IMMP2L: variants seen among roughly 807,000 people sequenced by gnomAD.
The protein encoded by IMMP2L is inner mitochondrial membrane peptidase subunit 2.
A neutral mutation model predicts 19.3 loss-of-function variants in IMMP2L; 18 were observed. That is an observed-to-expected ratio of 0.93 (90% CI 0.64 to 1.38). The LOEUF is 1.38. Ranked by LOEUF, IMMP2L falls within the 40% of genes most tolerant of loss-of-function variation. The pLI is 0.00. For missense variants in IMMP2L, 233 were observed against 218.2 expected, an observed-to-expected ratio of 1.07 and a Z score of -0.43; for synonymous variants, 76 against 73.0, an observed-to-expected ratio of 1.04 and a Z score of -0.21.
At chr7:110,793,524 A>T (rs1800624203) in intron 5 of IMMP2L, among the ~76,000 whole-genome samples, 1 of 152,158 alleles carries the variant, frequency 6.6e-6, no homozygotes, top group South Asian at 2.1e-4. Flanking sequence ...TAAAAATAAT[A>T]AAAATTTTAA....
chr7:111,226,374 GC>G (rs2129622054), intron 3 of IMMP2L, among the ~76,000 whole-genome samples: 1 of 151,828 alleles, frequency 6.6e-6, no homozygotes, highest in Admixed American at 6.6e-5. Context: ...TCACTATGTT[GC>G]CCACGCTGGT....
At chr7:111,043,192 A>G (rs1792064911) in intron 3 of IMMP2L, among the ~76,000 whole-genome samples, 1 of 152,218 alleles carries the variant, frequency 6.6e-6, no homozygotes, top group South Asian at 2.1e-4. Context: ...TTTAATTTTT[A>G]AAATATGAAA....
chr7:110,940,891 G>A (rs1219565935), intron 4 of IMMP2L, among the ~76,000 whole-genome samples: 2 of 152,158 alleles, frequency 1.3e-5, no homozygotes, highest in Non-Finnish European at 2.9e-5. Flanking sequence ...TGATTAATAT[G>A]CTTATAAGTG....
At chr7:110,853,737 G>A (rs557356578) in intron 5 of IMMP2L, among the ~76,000 whole-genome samples, 1 of 152,114 alleles carries the variant, frequency 6.6e-6, no homozygotes, top group South Asian at 2.1e-4. Flanking sequence ...GAAAACACAT[G>A]ATTTTGAATT....
intron 4 of IMMP2L, among the ~76,000 whole-genome samples, chr7:110,891,133 T>C (rs1810747963): frequency 6.6e-6 from 1 of 151,398 alleles, no homozygotes; most frequent in South Asian, 2.1e-4. Flanking sequence ...GGATACTAGA[T>C]CCATGGTTTT....
intron 5 of IMMP2L, among the ~76,000 whole-genome samples, chr7:110,720,837 CA>C (rs1795520694): frequency 6.6e-6 from 1 of 152,016 alleles, no homozygotes; most frequent in African/African-American, 2.4e-5. Flanking sequence ...CCTGTTTTTC[CA>C]GTATAGGCAG....
chr7:111,113,612 T>C (rs961080046), intron 3 of IMMP2L, among the ~76,000 whole-genome samples: 1 of 151,576 alleles, frequency 6.6e-6, no homozygotes, highest in Admixed American at 6.6e-5. Context: ...TTTGGCTATC[T>C]TCCAATAAAA....
intron 3 of IMMP2L, among the ~76,000 whole-genome samples, chr7:111,087,783 T>C (rs761875771): frequency 6.6e-6 from 1 of 152,052 alleles, no homozygotes; most frequent in East Asian, 1.9e-4. Flanking sequence ...AAATGAGAGA[T>C]TATATCTTGT....
chr7:111,199,904 T>G (rs903039909), intron 3 of IMMP2L, among the ~76,000 whole-genome samples: 2 of 152,112 alleles, frequency 1.3e-5, no homozygotes, highest in African/African-American at 4.8e-5. Flanking sequence ...TTTAATAAAA[T>G]TGAACTCATA....
chr7:111,137,425 T>C (rs1802454411), intron 3 of IMMP2L, among the ~76,000 whole-genome samples: 1 of 152,160 alleles, frequency 6.6e-6, no homozygotes, highest in Admixed American at 6.5e-5. Context: ...TAAGCCAGAA[T>C]TCACAATTTT....
intron 1 of IMMP2L, among the ~76,000 whole-genome samples, chr7:111,527,710 T>A (rs552756729): frequency 6.6e-6 from 1 of 152,100 alleles, no homozygotes; most frequent in Non-Finnish European, 1.5e-5. Context: ...TAAATATAGA[T>A]AAAGACCTGA....
intron 3 of IMMP2L, among the ~76,000 whole-genome samples, chr7:111,154,108 TATTA>T (rs1804376083): frequency 6.6e-6 from 1 of 152,146 alleles, no homozygotes; most frequent in East Asian, 1.9e-4. Flanking sequence ...ATGTTTCATT[TATTA>T]CTCAATCTTG....
chr7:111,376,585 A>G (rs1056636617), intron 3 of IMMP2L, among the ~76,000 whole-genome samples: 1 of 152,146 alleles, frequency 6.6e-6, no homozygotes, highest in African/African-American at 2.4e-5. Context: ...AGTTATTCAA[A>G]AATTTGCAAA....
chr7:111,144,923 T>C (rs368670600), intron 3 of IMMP2L, among the ~76,000 whole-genome samples: 3 of 152,080 alleles, frequency 2.0e-5, no homozygotes, highest in African/African-American at 7.2e-5. Flanking sequence ...AACATGAATA[T>C]TGTCTTAAAG....
intron 3 of IMMP2L, among the ~76,000 whole-genome samples, chr7:111,106,087 A>C (rs1326792650): frequency 4.3e-4 from 65 of 152,116 alleles, no homozygotes; most frequent in Non-Finnish European, 7.4e-5. Flanking sequence ...TTTTCCAAGG[A>C]TACAGCAGAG....
chr7:110,766,005 C>T (rs1798633781), intron 5 of IMMP2L, among the ~76,000 whole-genome samples: 1 of 151,970 alleles, frequency 6.6e-6, no homozygotes, highest in Non-Finnish European at 1.5e-5. Context: ...TTTTCAGGAC[C>T]ACATATAGCA....
intron 5 of IMMP2L, among the ~76,000 whole-genome samples, chr7:110,686,681 G>A (rs866206740): frequency 1.3e-5 from 2 of 152,058 alleles, no homozygotes; most frequent in African/African-American, 4.8e-5. Flanking sequence ...TTTCTAATTA[G>A]TTTACAGATT....
At chr7:110,967,582 A>G (rs1300021983) in intron 3 of IMMP2L, among the ~76,000 whole-genome samples, 4 of 152,066 alleles carry the variant, frequency 2.6e-5, no homozygotes, top group Admixed American at 1.3e-4. Flanking sequence ...GTCTAATGTA[A>G]TCACTGAACC....
chr7:110,742,363 A>C (rs1325393589), intron 5 of IMMP2L, among the ~76,000 whole-genome samples: 1 of 152,212 alleles, frequency 6.6e-6, no homozygotes, highest in Non-Finnish European at 1.5e-5. Flanking sequence ...GATATCATGA[A>C]AATTTTATAA....
Sources: gnomAD v4.1 joint callset for allele counts (sites outside exome capture counted in the v4.1 genomes callset) on GRCh38, gnomAD v4.1.1 for gene constraint, MANE v1.5 for transcripts, NCBI Gene and HGNC (gene_info 2026-07-23, HGNC 2026-07-21) for gene names.